MAP2K6: variants seen among roughly 807,000 people sequenced by gnomAD.
MAP2K6 encodes the protein dual specificity mitogen-activated protein kinase kinase 6.
MAP2K6 carries 16 observed loss-of-function variants against 53.7 expected under a neutral mutation model. The ratio of observed to expected loss-of-function variants is 0.30; its 90% CI spans 0.20 to 0.45. MAP2K6 has a LOEUF of 0.45. Among genes scored for constraint, MAP2K6 ranks in the 20% least tolerant of loss-of-function variants. The pLI, the probability that MAP2K6 is intolerant of heterozygous loss-of-function variation, is 1.00. For synonymous variants in MAP2K6, 132 were observed against 143.1 expected (o/e 0.92, Z 0.55); for missense variants, 204 against 411.9 (o/e 0.50, Z 4.37).
intron 1 of MAP2K6, among the ~76,000 whole-genome samples, chr17:69,465,998 T>G (rs1907785580): frequency 6.8e-6 from 1 of 147,180 alleles, no homozygotes; most frequent in African/African-American, 2.5e-5. Flanking sequence ...TTTGGCTGGG[T>G]GTGGTGGCTC....
At chr17:69,475,955 A>C (rs1421771184) in intron 1 of MAP2K6, among the ~76,000 whole-genome samples, 3 of 152,208 alleles carry the variant, frequency 2.0e-5, no homozygotes, top group Admixed American at 2.0e-4. Flanking sequence ...TAAGATGCGA[A>C]CCATGTAGTA....
At chr17:69,422,432 A>G (rs1435303153) in intron 1 of MAP2K6, among the ~76,000 whole-genome samples, 1 of 152,176 alleles carries the variant, frequency 6.6e-6, no homozygotes, top group East Asian at 1.9e-4. Context: ...ACGCCTGGCC[A>G]AATCATCGTA....
In MAP2K6 at chr17:69,548,518, A is replaced by T. The variant is rs1422047608; in HGVS notation, c.*6765A>T. The T allele has an allele frequency of 6.6e-6, 1 of 152,096 alleles. No homozygotes were observed. The highest frequency in any genetic ancestry group is 2.4e-5 in the African/African-American group (1 of 41,422). The allele number at this position is 152,096 out of a possible 1,614,324, so 9.4% of individuals were successfully genotyped here. ...TCAGAAATATTCTTTTTCCTGCTGC[A>T]CCATTAGGCAAACATACATTATGCT... On this transcript the variant is annotated 3_prime_UTR_variant, in exon 12 of 12. Transcript: ENST00000590474.
rs904241548 is a variant in MAP2K6 at position 69,553,705 on chromosome 17, A to G, written c.*11952A>G. 1 of 152,256 alleles carries G rather than the reference A, an allele frequency of 6.6e-6. No individual in the cohort carries two copies. Among genetic ancestry groups the G allele is most frequent in the Admixed American group, 6.5e-5 (1 of 15,282 alleles). The allele number at this position is 152,256 out of a possible 1,614,324, so 9.4% of individuals were successfully genotyped here. ...TAGAGAAGACAGTGATAATGGCAAA[A>G]AAAACACCCAACCACCTTTTTCCGT... is the stretch of plus-strand genomic sequence containing the variant. On this transcript the variant is annotated 3_prime_UTR_variant, in exon 12 of 12. Transcript: ENST00000590474.
intron 1 of MAP2K6, among the ~76,000 whole-genome samples, chr17:69,430,062 C>T (rs942441218): frequency 1.3e-5 from 2 of 152,200 alleles, no homozygotes; most frequent in African/African-American, 4.8e-5. Context: ...CACAGTGGCT[C>T]ATGCCTGTAA....
intron 1 of MAP2K6, among the ~76,000 whole-genome samples, chr17:69,471,599 A>C (rs1021781040): frequency 3.9e-5 from 6 of 152,354 alleles, no homozygotes; most frequent in African/African-American, 7.2e-5. Context: ...GTACACTGGA[A>C]GCCCAAACCT....
Position 69,520,386 on chromosome 17 carries a change from T to C in MAP2K6, c.483T>C (p.Ser161=), listed in dbSNP as rs1484455884. Residue 161 remains serine (S), a splice_region_variant and synonymous_variant, in exon 6 of 12, where the codon TCT becomes TCC. Transcript: ENST00000590474. ...PEDILGKIAV[S]IVKALEHLHS... is the part of the protein sequence containing the mutation. ...ACATCTTAGGGAAAATAGCAGTTTC[T>C]GTGAGTACATTTTGATCCCTACTGC... The C allele has an allele frequency of 6.4e-7, 1 of 1,555,832 alleles. No homozygotes were observed. Among genetic ancestry groups the C allele is most frequent in the Non-Finnish European group, 8.8e-7 (1 of 1,132,942 alleles).
chr17:69,518,372 T>G (rs909389934), intron 4 of MAP2K6, among the ~76,000 whole-genome samples: 11 of 152,204 alleles, frequency 7.2e-5, no homozygotes, highest in African/African-American at 2.7e-4. Context: ...TAGATCTCTT[T>G]TATTCTATAT....
At chr17:69,500,755 C>A (rs1279070291) in intron 1 of MAP2K6, among the ~76,000 whole-genome samples, 68 of 132,358 alleles carry the variant, frequency 5.1e-4, no homozygotes, top group South Asian at 9.3e-4. Context: ...GATTCCATCT[C>A]AAAAAAAAAA....
At position 69,548,094 on chromosome 17, in the gene MAP2K6, G is replaced by T. The variant is rs1441816395; in HGVS notation, c.*6341G>T. The T allele has an allele frequency of 6.6e-6, 1 of 152,162 alleles. No homozygotes were observed. Among genetic ancestry groups the T allele is most frequent in the Non-Finnish European group, 1.5e-5 (1 of 68,028 alleles). 9.4% of individuals were successfully genotyped at this position (152,162 alleles called of 1,614,324 possible). On this transcript the variant is annotated 3_prime_UTR_variant, in exon 12 of 12. Coordinates refer to ENST00000590474, the MANE Select transcript of MAP2K6 (RefSeq NM_002758.4). ...TTGAAGTCACAAAATTTGTTCTCAG[G>T]TGTTCTTAAAGCTCCCTGTTCTCAC... is the stretch of plus-strand genomic sequence containing the variant.
intron 1 of MAP2K6, among the ~76,000 whole-genome samples, chr17:69,458,425 G>T (rs1907498850): frequency 6.6e-6 from 1 of 152,270 alleles, no homozygotes; most frequent in Non-Finnish European, 1.5e-5. Context: ...AGTGGGGAGG[G>T]CCACTGTATT....
intron 6 of MAP2K6, 33 bp from the exon 7 acceptor site, chr17:69,521,016 G>GATAA: frequency 6.5e-7 from 1 of 1,528,320 alleles, no homozygotes; most frequent in Non-Finnish European, 9.0e-7. Flanking sequence ...CCAGCAATGT[G>GATAA]ATAAATAAAT....
intron 1 of MAP2K6, among the ~76,000 whole-genome samples, chr17:69,496,018 G>A (rs2145208132): frequency 6.6e-6 from 1 of 151,726 alleles, no homozygotes; most frequent in South Asian, 2.1e-4. Flanking sequence ...TTGCTTTTAG[G>A]TTCTTTTAAG....
At position 69,534,656 on chromosome 17, in the gene MAP2K6, T is replaced by C. The variant is rs112402522; in HGVS notation, c.882-1459T>C. On this transcript the variant is annotated intron_variant, in intron 10 of 11. Transcript: ENST00000590474. ...TCTCATGGTTCTGTACCTTACCCCG[T>C]CATGCTTAGCTTCGGAGGGTGAGGC... Among the ~76,000 whole-genome samples, 534 of 152,206 alleles carry C rather than the reference T, an allele frequency of 3.5e-3. 6 individuals carry two copies. The highest frequency in any genetic ancestry group is 0.012 in the African/African-American group (509 of 41,536).
At chr17:69,463,679 C>T (rs908911435) in intron 1 of MAP2K6, among the ~76,000 whole-genome samples, 23 of 150,594 alleles carry the variant, frequency 1.5e-4, no homozygotes, top group South Asian at 8.5e-4. Context: ...TGTATATACA[C>T]ACACACACAC....
chr17:69,525,728 G>A (rs1910736795), intron 9 of MAP2K6, among the ~76,000 whole-genome samples: 1 of 152,160 alleles, frequency 6.6e-6, no homozygotes, highest in Admixed American at 6.5e-5. Flanking sequence ...CCACCCCCAT[G>A]ATTCAATTGT....
At chr17:69,418,512 G>T (rs1340880950) in intron 1 of MAP2K6, among the ~76,000 whole-genome samples, 1 of 129,264 alleles carries the variant, frequency 7.7e-6, no homozygotes. Context: ...CTACACTTTG[G>T]CATTTATTCT....
At chr17:69,511,128 G>T (rs1395029863) in intron 2 of MAP2K6, among the ~76,000 whole-genome samples, 2 of 151,852 alleles carry the variant, frequency 1.3e-5, no homozygotes, top group Non-Finnish European at 2.9e-5. Context: ...ACCCTTTCTT[G>T]GTATAAACAA....
At chr17:69,512,658 G>A (rs142215899) in intron 2 of MAP2K6, among the ~76,000 whole-genome samples, 313 of 152,148 alleles carry the variant, frequency 2.1e-3, no homozygotes, top group African/African-American at 7.2e-3. Context: ...AAATTATTTA[G>A]TCACTTTCAA....
Sources: gnomAD v4.1 joint callset for allele counts (sites outside exome capture counted in the v4.1 genomes callset) on GRCh38, gnomAD v4.1.1 for gene constraint, MANE v1.5 for transcripts, NCBI Gene and HGNC (gene_info 2026-07-23, HGNC 2026-07-21) for gene names.